FBXW7: variants seen among roughly 807,000 people sequenced by gnomAD.
FBXW7 encodes the protein F-box and WD repeat domain containing 7, also known as F-box/WD repeat-containing protein 7.
FBXW7 carries 11 observed loss-of-function variants against 86.3 expected under a neutral mutation model. That is an observed-to-expected ratio of 0.13 (90% confidence interval 0.08 to 0.21). The LOEUF (loss-of-function observed/expected upper bound fraction) is 0.21, where lower values mean the gene tolerates loss of function less well. Ranked by LOEUF, FBXW7 falls within the 10% of genes least tolerant of loss-of-function variation. The probability of loss-of-function intolerance (pLI) is 1.00; values close to 1 mark genes in which losing one functional copy is unlikely to be tolerated. For synonymous variants in FBXW7, 313 were observed against 297.9 expected, an observed-to-expected ratio of 1.05 and a Z score of -0.52; for missense variants, 488 against 847.4, an observed-to-expected ratio of 0.58 and a Z score of 5.27.
chr4:152,516,435 C>A (rs1026828711), intron 2 of FBXW7, among the ~76,000 whole-genome samples: 1 of 152,202 alleles, frequency 6.6e-6, no homozygotes, highest in Non-Finnish European at 1.5e-5. Context: ...TCATCCCAAA[C>A]CATTCCCCAC....
Position 152,429,966 on chromosome 4 carries a change from T to TTTGTTG in FBXW7, c.-119-17443_-119-17438dup, listed in dbSNP as rs138677761. Among the ~76,000 whole-genome samples, 62 of 152,222 alleles carry TTTGTTG rather than the reference T, an allele frequency of 4.1e-4. No homozygotes were observed. The East Asian group carries it at 8.9e-3, about 22-fold the overall frequency. On this transcript the variant is annotated intron_variant, in intron 2 of 13. Coordinates refer to ENST00000281708, the MANE Select transcript of FBXW7 (RefSeq NM_001349798.2). ...GAAAAAAGAAGGCATATTTTATGGC[T>TTTGTTG]TTGTTGTTGTTGTTGTTGTTGTTAT...
intron 4 of FBXW7, among the ~76,000 whole-genome samples, chr4:152,383,727 G>T (rs1169511466): frequency 1.3e-5 from 2 of 152,114 alleles, no homozygotes; most frequent in Non-Finnish European, 2.9e-5. Flanking sequence ...ACTTTGGAAA[G>T]ATTAGCATTG....
Position 152,322,805 on chromosome 4 carries a change from CT to C in FBXW7, c.*75del, listed in dbSNP as rs899326148. 37 of 1,560,370 alleles carry C rather than the reference CT, an allele frequency of 2.4e-5. No homozygotes were observed. Among genetic ancestry groups the C allele is most frequent in the Non-Finnish European group, 2.9e-5 (34 of 1,157,838 alleles). On this transcript the variant is annotated 3_prime_UTR_variant, in exon 14 of 14. Coordinates refer to ENST00000281708, the MANE Select transcript of FBXW7 (RefSeq NM_001349798.2). ...CAAGGGATTTTTTTCTTTTTCTTTTCTTTTTTTCTTTTTGCAGGGGGAAGGG... is the reference window on the plus strand; with the variant it reads ...CAAGGGATTTTTTTCTTTTTCTTTTCTTTTTTCTTTTTGCAGGGGGAAGGG...
At chr4:152,531,643 C>A (rs1248376259) in intron 2 of FBXW7, among the ~76,000 whole-genome samples, 1 of 151,140 alleles carries the variant, frequency 6.6e-6, no homozygotes, top group Non-Finnish European at 1.5e-5. Flanking sequence ...GTATGGGACA[C>A]AAAGACACAC....
intron 2 of FBXW7, among the ~76,000 whole-genome samples, chr4:152,523,444 A>G (rs1215472481): frequency 6.6e-6 from 1 of 152,240 alleles, no homozygotes; most frequent in Non-Finnish European, 1.5e-5. Context: ...AGATGCTTCT[A>G]GTATCCCCTC....
chr4:152,428,791 G>A (rs1006033831), intron 2 of FBXW7, among the ~76,000 whole-genome samples: 3 of 152,206 alleles, frequency 2.0e-5, no homozygotes, highest in Non-Finnish European at 4.4e-5. Context: ...TTGGGTCAGA[G>A]TCCACGGGAT....
intron 4 of FBXW7, among the ~76,000 whole-genome samples, chr4:152,355,665 C>T (rs1041489618): frequency 1.2e-4 from 18 of 152,022 alleles, no homozygotes; most frequent in African/African-American, 4.3e-4. Flanking sequence ...ATTCCATTAG[C>T]AAAGGGAATG....
intron 2 of FBXW7, among the ~76,000 whole-genome samples, chr4:152,533,857 G>A (rs1347440084): frequency 3.3e-5 from 5 of 152,180 alleles, no homozygotes; most frequent in African/African-American, 7.2e-5. Flanking sequence ...CCTGAATGGA[G>A]AACTTCGAAA....
At chr4:152,462,586 C>T (rs770180758) in intron 2 of FBXW7, among the ~76,000 whole-genome samples, 9 of 152,124 alleles carry the variant, frequency 5.9e-5, no homozygotes, top group Admixed American at 4.6e-4. Context: ...AGACAGGAGG[C>T]GAAAATGCAC....
chr4:152,371,284 T>C (rs1733981584), intron 4 of FBXW7, among the ~76,000 whole-genome samples: 2 of 151,898 alleles, frequency 1.3e-5, no homozygotes, highest in Non-Finnish European at 2.9e-5. Flanking sequence ...CATAGTGGCA[T>C]GGAAAAAGAC....
Position 152,411,995 on chromosome 4 carries a change from G to A in FBXW7, c.-69-123C>T, listed in dbSNP as rs1424670831. 15 of 852,768 alleles carry A rather than the reference G, an allele frequency of 1.8e-5. No homozygotes were observed. The Middle Eastern group carries it at 1.5e-3, about 83-fold the overall frequency. 52.8% of individuals were successfully genotyped at this position (852,768 alleles called of 1,614,324 possible). ...GCAAAAAAGTATTGATGCCACCAAG[G>A]CATTAAAATGTTCTTTAGTAAACAA... On this transcript the variant is annotated intron_variant, in intron 3 of 13. Transcript: ENST00000281708.
At chr4:152,365,724 C>T (rs556205753) in intron 4 of FBXW7, among the ~76,000 whole-genome samples, 2 of 152,260 alleles carry the variant, frequency 1.3e-5, no homozygotes, top group South Asian at 2.1e-4. Context: ...ATCCAAATCT[C>T]ATGCTCCAAC....
intron 7 of FBXW7, among the ~76,000 whole-genome samples, chr4:152,335,230 G>A (rs978227790): frequency 2.0e-5 from 3 of 152,094 alleles, no homozygotes; most frequent in Non-Finnish European, 2.9e-5. Flanking sequence ...AAAATAATTA[G>A]GTCATGAGGT....
At chr4:152,425,006 T>C (rs1739257051) in intron 2 of FBXW7, among the ~76,000 whole-genome samples, 1 of 152,190 alleles carries the variant, frequency 6.6e-6, no homozygotes, top group African/African-American at 2.4e-5. Flanking sequence ...AAATCTGAAA[T>C]AGGACCCGAG....
At chr4:152,354,266 C>T (rs1160515550) in intron 4 of FBXW7, among the ~76,000 whole-genome samples, 1 of 151,930 alleles carries the variant, frequency 6.6e-6, no homozygotes, top group Non-Finnish European at 1.5e-5. Context: ...TTAATTCTTA[C>T]CCTCAGGAAC....
chr4:152,443,325 C>T (rs1379983328), intron 2 of FBXW7, among the ~76,000 whole-genome samples: 1 of 152,002 alleles, frequency 6.6e-6, no homozygotes, highest in Non-Finnish European at 1.5e-5. Flanking sequence ...TGGCAGATAA[C>T]CAGAATATGG....
chr4:152,323,051 T>G lies in FBXW7; in HGVS notation c.1954A>C (p.Lys652Gln), dbSNP rs1182453513. Residue 652 changes from lysine (K) to glutamine (Q), a missense_variant, in exon 14 of 14, where the codon AAA (lysine) becomes CAA (glutamine). Lys to Gln is a moderately conservative substitution (Grantham distance 53). Around this residue, in one of 4 missense-constraint regions of FBXW7, gnomAD observed 142 missense variants for 406.6 expected, o/e 0.35. Transcript: ENST00000281708. ...DDGTVKLWDL[K>Q]TGEFIRNLVT... ...AGGTTTCGAATAAATTCACCCGTTT[T>G]CAAGTCCCATAGTTTTACAGTTCCA... is the stretch of plus-strand genomic sequence containing the variant. 1 of 1,613,890 alleles carries G rather than the reference T, an allele frequency of 6.2e-7. No homozygotes were observed.
At chr4:152,363,822 A>G (rs1560807773) in intron 4 of FBXW7, among the ~76,000 whole-genome samples, 1 of 152,200 alleles carries the variant, frequency 6.6e-6, no homozygotes, top group East Asian at 1.9e-4. Context: ...AAAGAGGCAC[A>G]GAGAGTTTTA....
Position 152,434,398 on chromosome 4 carries a change from G to A in FBXW7, c.-119-21869C>T, listed in dbSNP as rs1166638541. On this transcript the variant is annotated intron_variant, in intron 2 of 13. Transcript: ENST00000281708. ...TCTTCATGAAATTGGAAAGTGAGAC[G>A]TGCAATAGCAAGCATGTTCACTTTT... Among the ~76,000 whole-genome samples the A allele has an allele frequency of 3.9e-5, 6 of 152,170 alleles. No homozygotes were observed. The East Asian group carries it at 5.8e-4, about 15-fold the overall frequency.
Sources: allele counts gnomAD v4.1 joint callset (sites outside exome capture counted in the v4.1 genomes callset), GRCh38; gene constraint gnomAD v4.1.1; regional missense constraint gnomAD v4.1.1; transcripts MANE v1.5; gene names NCBI Gene and HGNC (gene_info 2026-07-23, HGNC 2026-07-21).